Variants in CANX observed in about 807,000 individuals in gnomAD.
CANX encodes the protein calnexin, also known as epididymis secretory sperm binding protein.
In CANX, 14 loss-of-function variants were observed where a neutral mutation model predicts 75.7. That is an observed-to-expected ratio of 0.19 (90% confidence interval 0.12 to 0.29). CANX has a LOEUF of 0.29. CANX is among the 10% of genes least tolerant of loss of function. CANX has a pLI of 1.00. For missense variants in CANX, 567 were observed against 713.2 expected (o/e 0.79, Z 2.34); for synonymous variants, 227 against 236.9 (o/e 0.96, Z 0.38).
At chr5:179,725,814 C>T (rs1327497177) in intron 13 of CANX, among the ~76,000 whole-genome samples, 1 of 144,484 alleles carries the variant, frequency 6.9e-6, no homozygotes, top group Non-Finnish European at 1.5e-5. Context: ...ACAGTGAAGC[C>T]CCGTCTCTAC....
intron 11 of CANX, 50 bp downstream of exon 11, chr5:179,723,069 T>C (rs1393829566): frequency 6.6e-7 from 1 of 1,506,758 alleles, no homozygotes; most frequent in Admixed American, 1.7e-5. Context: ...AAGGAGCTGT[T>C]ATTTTGTGAA....
At chr5:179,714,285 G>A (rs1367084903) in intron 7 of CANX, among the ~76,000 whole-genome samples, 1 of 152,082 alleles carries the variant, frequency 6.6e-6, no homozygotes, top group Non-Finnish European at 1.5e-5. Flanking sequence ...ATAGGCATGA[G>A]CCACTGGGCC....
upstream of CANX, among the ~76,000 whole-genome samples, chr5:179,696,941 G>T (rs549154577): frequency 6.0e-5 from 6 of 99,838 alleles, no homozygotes; most frequent in Admixed American, 3.6e-4. Context: ...GTCACATTTT[G>T]GGAATTCGTA....
At chr5:179,681,411 A>G (rs1776061048) in intron 1 of CANX, among the ~76,000 whole-genome samples, 1 of 152,148 alleles carries the variant, frequency 6.6e-6, no homozygotes, top group African/African-American at 2.4e-5. Context: ...GTTCAAGTGA[A>G]TTATTGGGGA....
chr5:179,708,472 G>A, intron 5 of CANX, 92 bp downstream of exon 5: 1 of 1,181,994 alleles, frequency 8.5e-7, no homozygotes, highest in Non-Finnish European at 1.2e-6. Context: ...AAAATTATGA[G>A]ATTATATAAG....
At chr5:179,710,823 C>T (rs939471047) in intron 7 of CANX, among the ~76,000 whole-genome samples, 1 of 150,938 alleles carries the variant, frequency 6.6e-6, no homozygotes, top group Non-Finnish European at 1.5e-5. Flanking sequence ...GAGGCTGAGG[C>T]GGGCGGATCA....
intron 1 of CANX, among the ~76,000 whole-genome samples, chr5:179,693,097 G>A (rs1165086117): frequency 7.8e-6 from 1 of 128,140 alleles, no homozygotes; most frequent in Non-Finnish European, 1.6e-5. Flanking sequence ...AGTGAGCCGA[G>A]ATCATGCCAC....
At chr5:179,681,376 A>G (rs543097403) in intron 1 of CANX, among the ~76,000 whole-genome samples, 2 of 152,336 alleles carry the variant, frequency 1.3e-5, no homozygotes, top group Admixed American at 6.5e-5. Context: ...GTTCCCTAGA[A>G]GCAGAGCCTA....
At chr5:179,717,721 CTTT>C (rs34244748) in intron 8 of CANX, among the ~76,000 whole-genome samples, 1 of 144,876 alleles carries the variant, frequency 6.9e-6, no homozygotes, top group Non-Finnish European at 1.5e-5. Context: ...TCTTTTCTTG[CTTT>C]TTTTTTTTTG....
At chr5:179,692,519 CCTGT>C (rs1776316000) in intron 1 of CANX, among the ~76,000 whole-genome samples, 2 of 151,884 alleles carry the variant, frequency 1.3e-5, no homozygotes, top group African/African-American at 4.8e-5. Flanking sequence ...ACAAAGAGCC[CCTGT>C]CTAATTATTT....
Position 179,730,127 on chromosome 5 carries a change from A to G in CANX, c.*1483A>G, listed in dbSNP as rs2113305625. On this transcript the variant is annotated 3_prime_UTR_variant, in exon 15 of 15. Coordinates refer to ENST00000247461, the MANE Select transcript of CANX (RefSeq NM_001746.4). ...TACACTGAAACGTATTCAGAGTTAG[A>G]TATTATTTTAGCTTCAGTTGTTCTT... 6.5e-6 allele frequency: 1 copy of G among 152,696 alleles called. No individual in the cohort carries two copies. Among genetic ancestry groups the G allele is most frequent in the African/African-American group, 2.4e-5 (1 of 41,558 alleles). The allele number at this position is 152,696 out of a possible 1,614,324, so 9.5% of individuals were successfully genotyped here. A position where few individuals can be genotyped will look rare whatever the true frequency, so the allele number is the denominator to read the frequency against.
intron 1 of CANX, among the ~76,000 whole-genome samples, chr5:179,680,685 AC>A (rs1776040614): frequency 6.6e-6 from 1 of 151,198 alleles, no homozygotes; most frequent in South Asian, 2.1e-4. Context: ...TGCACCCCCC[AC>A]CCCTGCCCAG....
In CANX at chr5:179,678,676, A is replaced by C. The variant is rs1016612059; in HGVS notation, c.-105A>C. On this transcript the variant is annotated 5_prime_UTR_variant, in exon 1 of 15. Transcript: ENST00000681674. ...TCTTCCTCTGCCCGGCGCGCGCCGC[A>C]GCCGTCGGGATCACCTCGGGGTTGC... 8.5e-6 allele frequency: 13 copies of C among 1,535,656 alleles called. No homozygotes were observed. In the African/African-American group the frequency reaches 1.6e-4, roughly 19 times the overall value.
chr5:179,708,459 T>TA lies in CANX; in HGVS notation c.446+85dup, dbSNP rs1327773636. ...ACATTATGTAACTTTTACTCTATGTTAAAAAATTATGAGATTATATAAGTG... is the reference window on the plus strand; with the variant it reads ...ACATTATGTAACTTTTACTCTATGTTAAAAAAATTATGAGATTATATAAGTG... On this transcript the variant is annotated intron_variant, in intron 5 of 14. Transcript: ENST00000247461. The TA allele has an allele frequency of 3.0e-6, 4 of 1,313,636 alleles. No homozygotes were observed. The African/African-American group carries it at 4.4e-5, about 15-fold the overall frequency. 81.4% of individuals were successfully genotyped at this position (1,313,636 alleles called of 1,614,324 possible). A position where few individuals can be genotyped will look rare whatever the true frequency, so the allele number is the denominator to read the frequency against.
chr5:179,728,171 C>T (rs943964169), intron 14 of CANX, among the ~76,000 whole-genome samples: 2 of 152,194 alleles, frequency 1.3e-5, no homozygotes, highest in African/African-American at 4.8e-5. Flanking sequence ...ATCTTAGCAA[C>T]TTGTGATAGA....
intron 1 of CANX, chr5:179,678,994 CAGGTAGA>C (rs750711526): frequency 2.0e-6 from 3 of 1,535,920 alleles, no homozygotes; most frequent in South Asian, 1.2e-5. Context: ...TGTGGTCCAG[CAGGTAGA>C]AGGTGGACAG....
intron 6 of CANX, chr5:179,709,564 T>G (rs1259934594): frequency 4.6e-6 from 1 of 217,944 alleles, no homozygotes; most frequent in Non-Finnish European, 9.0e-6. Context: ...ACCAACTGTT[T>G]TTATCTGAAT....
chr5:179,700,920 T>C (rs1376979459), intron 1 of CANX: 1 of 150,810 alleles, frequency 6.6e-6, no homozygotes, highest in Non-Finnish European at 1.5e-5. Context: ...TGGAGTGCAG[T>C]GGCGCGATCT....
intron 1 of CANX, among the ~76,000 whole-genome samples, chr5:179,689,144 A>G (rs1170866103): frequency 6.6e-6 from 1 of 151,462 alleles, no homozygotes; most frequent in East Asian, 2.0e-4. Context: ...ATCCCAGCTA[A>G]TTGGGAAGCT....
Sources: allele counts gnomAD v4.1 joint callset (sites outside exome capture counted in the v4.1 genomes callset), GRCh38; gene constraint gnomAD v4.1.1; transcripts MANE v1.5; gene names NCBI Gene and HGNC (gene_info 2026-07-23, HGNC 2026-07-21).